The following BLOC1S3 variants were observed in gnomAD, a reference collection of about 807,000 sequenced individuals.
BLOC1S3 encodes biogenesis of lysosome-related organelles complex 1 subunit 3.
In BLOC1S3, 7 loss-of-function variants were observed where a neutral mutation model predicts 9.1. The ratio of observed to expected loss-of-function variants is 0.77; its 90% CI spans 0.44 to 1.45. The LOEUF (loss-of-function observed/expected upper bound fraction) is 1.45, where lower values mean the gene tolerates loss of function less well. Among genes scored for constraint, BLOC1S3 ranks in the 40% most tolerant of loss-of-function variants. The pLI, the probability that BLOC1S3 is intolerant of heterozygous loss-of-function variation, is 0.01. For synonymous variants in BLOC1S3, 145 were observed against 158.4 expected, an observed-to-expected ratio of 0.92 and a Z score of 0.64; for missense variants, 307 against 315.2, an observed-to-expected ratio of 0.97 and a Z score of 0.20.
At chr19:45,214,168 TC>T (rs1287006835) in intron 3 of BLOC1S3, among the ~76,000 whole-genome samples, 2 of 152,134 alleles carry the variant, frequency 1.3e-5, no homozygotes, top group African/African-American at 4.8e-5. Flanking sequence ...CCCATGGGAC[TC>T]CAGGAATATG....
At chr19:45,212,940 A>G in intron 3 of BLOC1S3, 1 of 1,113,420 alleles carries the variant, frequency 9.0e-7, no homozygotes, top group Non-Finnish European at 1.2e-6. Context: ...GTTGGGTGAA[A>G]AGACATCTAA....
At chr19:45,203,334 C>T (rs943219172) in intron 3 of BLOC1S3, among the ~76,000 whole-genome samples, 4 of 152,014 alleles carry the variant, frequency 2.6e-5, no homozygotes, top group Non-Finnish European at 5.9e-5. Flanking sequence ...AGTGCAATGA[C>T]GTGCTCTCGG....
intron 2 of BLOC1S3, among the ~76,000 whole-genome samples, chr19:45,200,439 C>T (rs1294640406): frequency 6.6e-6 from 1 of 151,708 alleles, no homozygotes; most frequent in African/African-American, 2.4e-5. Flanking sequence ...GCCTCGGCCT[C>T]CCGAAATGCT....
At chr19:45,202,441 A>C (rs549843863) in exon 3 of BLOC1S3, 2 of 154,828 alleles carry the variant, frequency 1.3e-5, no homozygotes, top group South Asian at 3.7e-4. Flanking sequence ...CTCCAGGCCC[A>C]TGGCAGGTAC....
chr19:45,207,836 G>C (rs891861603), intron 3 of BLOC1S3, among the ~76,000 whole-genome samples: 6 of 152,174 alleles, frequency 3.9e-5, no homozygotes, highest in African/African-American at 1.2e-4. Flanking sequence ...GTACACATAG[G>C]AGTGAGTAAA....
intron 2 of BLOC1S3, among the ~76,000 whole-genome samples, chr19:45,199,309 CTTTTTTTTTTTTTT>C (rs34967306): frequency 4.1e-5 from 3 of 72,474 alleles, no homozygotes; most frequent in African/African-American, 6.0e-5. Context: ...GTGCCTTATT[CTTTTTTTTTTTTTT>C]TTTTTTTTTT....
chr19:45,191,730 C>T (rs1021426900), intron 2 of BLOC1S3, among the ~76,000 whole-genome samples: 3 of 152,240 alleles, frequency 2.0e-5, no homozygotes, highest in African/African-American at 7.2e-5. Context: ...GAAGAATTCT[C>T]TGGATTATCA....
chr19:45,209,646 C>T (rs951303510), intron 3 of BLOC1S3, among the ~76,000 whole-genome samples: 1 of 152,048 alleles, frequency 6.6e-6, no homozygotes, highest in Non-Finnish European at 1.5e-5. Flanking sequence ...TGGTCTCGAT[C>T]TCCTGATCTC....
intron 2 of BLOC1S3, among the ~76,000 whole-genome samples, chr19:45,196,200 A>T (rs981781996): frequency 3.3e-5 from 5 of 151,142 alleles, no homozygotes; most frequent in African/African-American, 9.7e-5. Context: ...TTAATTTTTT[A>T]TTTTTTTTTG....
intron 3 of BLOC1S3, among the ~76,000 whole-genome samples, chr19:45,210,534 CAT>C (rs1334719195): frequency 2.0e-5 from 3 of 151,302 alleles, no homozygotes; most frequent in African/African-American, 7.3e-5. Context: ...CCTGACCTCA[CAT>C]GATCCGCCCA....
At chr19:45,196,880 A>G (rs631920) in intron 2 of BLOC1S3, among the ~76,000 whole-genome samples, 103,000 of 148,834 alleles carry the variant, frequency 0.69, 36,450 homozygotes, top group African/African-American at 0.82. Flanking sequence ...CAGCCTGGGC[A>G]ACAGAGCAAG....
At chr19:45,216,088 T>TCG in intron 3 of BLOC1S3, 1 of 1,613,712 alleles carries the variant, frequency 6.2e-7, no homozygotes, top group Non-Finnish European at 8.5e-7. Context: ...GTCTGGGTAG[T>TCG]CGCGCACCAA....
At chr19:45,187,651 G>A (rs1266467616) in exon 2 of BLOC1S3, 1 of 152,172 alleles carries the variant, frequency 6.6e-6, no homozygotes, top group Non-Finnish European at 1.5e-5. Context: ...TGAGAATGTC[G>A]CCAGAGTGAA....
At chr19:45,216,468 A>G (rs1180055174) in intron 3 of BLOC1S3, among the ~76,000 whole-genome samples, 2 of 151,950 alleles carry the variant, frequency 1.3e-5, no homozygotes, top group Admixed American at 6.6e-5. Context: ...AATCCCAACT[A>G]CTCAGGAGGC....
chr19:45,206,617 AGTT>A (rs1408564103), intron 3 of BLOC1S3, among the ~76,000 whole-genome samples: 6 of 127,302 alleles, frequency 4.7e-5, no homozygotes, highest in African/African-American at 2.1e-4. Flanking sequence ...CCCCACACCT[AGTT>A]AAATTTTTTT....
At chr19:45,196,780 A>G (rs1273474348) in intron 2 of BLOC1S3, among the ~76,000 whole-genome samples, 1 of 151,964 alleles carries the variant, frequency 6.6e-6, no homozygotes, top group Non-Finnish European at 1.5e-5. Flanking sequence ...GGGTGCCTGT[A>G]GTCCCAGCTA....
chr19:45,179,683 C>CGGTGT lies in BLOC1S3; in HGVS notation c.388_392dup (p.Tyr132ValfsTer95). 1 of 1,466,096 alleles carries CGGTGT rather than the reference C, an allele frequency of 6.8e-7. No homozygotes were observed. The highest frequency in any genetic ancestry group is 9.0e-7 in the Non-Finnish European group (1 of 1,114,696). The allele number at this position is 1,466,096 out of a possible 1,614,324, so 90.8% of individuals were successfully genotyped here. On this transcript the variant is annotated frameshift_variant, in exon 2 of 2. Transcript: ENST00000433642. LOFTEE classifies it high-confidence loss of function. This position sits in a 1 kb window ranked among gnomAD's most constrained non-coding sequence, Gnocchi z 4.6. ...ACCACGACGTGGCGGCCGCCGTGAG[C>CGGTGT]GGTGTCTACCGCCGTGCAGGCCGCG...
chr19:45,187,497 A>AC (rs1353629688), intron 1 of BLOC1S3: 1 of 152,290 alleles, frequency 6.6e-6, no homozygotes, highest in Non-Finnish European at 1.5e-5. Flanking sequence ...TCGCACACTG[A>AC]CCCAGGGCCC....
chr19:45,209,963 C>G (rs1245257193), intron 3 of BLOC1S3, among the ~76,000 whole-genome samples: 2 of 152,046 alleles, frequency 1.3e-5, no homozygotes, highest in Non-Finnish European at 2.9e-5. Flanking sequence ...ATCTCCTGAC[C>G]TCGTGATCCG....
Sources: gnomAD v4.1 joint callset for allele counts (sites outside exome capture counted in the v4.1 genomes callset) on GRCh38, gnomAD v4.1.1 for gene constraint, Gnocchi (gnomAD v3.1) non-coding constraint, MANE v1.5 for transcripts, NCBI Gene and HGNC (gene_info 2026-07-23, HGNC 2026-07-21) for gene names.